Variants in PPFIBP1 observed in about 807,000 individuals in gnomAD.
PPFIBP1 encodes the protein PPFIB scaffold protein 1, also known as liprin-beta-1.
In PPFIBP1, 112 loss-of-function variants were observed where a neutral mutation model predicts 137.8. The observed-to-expected ratio is 0.81, with a 90% CI of 0.70 to 0.95. The LOEUF is 0.95. Among genes scored for constraint, PPFIBP1 ranks in the 40% least tolerant of loss-of-function variants. PPFIBP1 has a pLI of 0.00. For missense variants in PPFIBP1, 1,083 were observed against 1,196.6 expected (o/e 0.91, Z 1.40); for synonymous variants, 378 against 417.3 (o/e 0.91, Z 1.15).
chr12:27,660,221 TAA>T (rs1388851041), intron 10 of PPFIBP1, among the ~76,000 whole-genome samples: 1 of 152,148 alleles, frequency 6.6e-6, no homozygotes. Flanking sequence ...TTAAAATATA[TAA>T]GTTTTTTATT....
chr12:27,671,905 T>C (rs953727495), intron 14 of PPFIBP1, among the ~76,000 whole-genome samples: 4 of 151,872 alleles, frequency 2.6e-5, no homozygotes, highest in African/African-American at 9.7e-5. Flanking sequence ...AATCCCGTCT[T>C]TACTGAAAAT....
chr12:27,601,343 G>A (rs2053963205), intron 2 of PPFIBP1, among the ~76,000 whole-genome samples: 1 of 152,090 alleles, frequency 6.6e-6, no homozygotes, highest in African/African-American at 2.4e-5. Flanking sequence ...TATTTTTAGG[G>A]GCGGGGAGAG....
chr12:27,597,041 G>A (rs1424190069), intron 2 of PPFIBP1, among the ~76,000 whole-genome samples: 2 of 152,196 alleles, frequency 1.3e-5, no homozygotes, highest in African/African-American at 2.4e-5. Context: ...TGGTTTCTTG[G>A]AAGAAAATCC....
intron 5 of PPFIBP1, among the ~76,000 whole-genome samples, chr12:27,646,888 G>T (rs558623548): frequency 2.2e-4 from 34 of 152,356 alleles, no homozygotes; most frequent in African/African-American, 7.7e-4. Context: ...TGAAGGACTA[G>T]CCCAACAGCT....
intron 11 of PPFIBP1, among the ~76,000 whole-genome samples, chr12:27,662,249 C>T (rs908014298): frequency 2.0e-5 from 3 of 152,166 alleles, no homozygotes; most frequent in East Asian, 1.9e-4. Context: ...TTTGAAACAG[C>T]GCAGTGCATG....
At chr12:27,666,107 T>C (rs1565973015) in intron 12 of PPFIBP1, among the ~76,000 whole-genome samples, 1 of 101,076 alleles carries the variant, frequency 9.9e-6, no homozygotes, top group Non-Finnish European at 2.1e-5. Flanking sequence ...ATTTGGAAAA[T>C]AAAGAAAAGA....
At chr12:27,642,549 T>A (rs2058186158) in intron 4 of PPFIBP1, among the ~76,000 whole-genome samples, 1 of 152,134 alleles carries the variant, frequency 6.6e-6, no homozygotes, top group Admixed American at 6.5e-5. Context: ...AAATTATTAG[T>A]CATCTACCTG....
Position 27,680,022 on chromosome 12 carries a change from C to T in PPFIBP1, c.1856C>T (p.Pro619Leu). 4 of 1,614,006 alleles carry T rather than the reference C, an allele frequency of 2.5e-6. No individual in the cohort carries two copies. The highest frequency in any genetic ancestry group is 3.4e-6 in the Non-Finnish European group (4 of 1,179,954). ...KRGGTRATAG[P>L]RLGWSRDLGQ... is the part of the protein sequence containing the mutation. Reference sequence around the variant, plus strand: ...GGAGGGACAAGGGCAACCGCGGGGCCCCGATTAGGTTGGTCTCGAGACTTG... The same window carrying T: ...GGAGGGACAAGGGCAACCGCGGGGCTCCGATTAGGTTGGTCTCGAGACTTG... Residue 619 changes from proline (P) to leucine (L), a missense_variant, in exon 21 of 30, where the codon CCC (proline) becomes CTC (leucine). Pro to Leu is a moderately conservative substitution (Grantham distance 98, BLOSUM62 -3). Transcript: ENST00000228425.
intron 14 of PPFIBP1, among the ~76,000 whole-genome samples, chr12:27,672,093 A>G (rs903696191): frequency 6.6e-6 from 1 of 152,066 alleles, no homozygotes; most frequent in Non-Finnish European, 1.5e-5. Flanking sequence ...AAAAAAGTTT[A>G]GGGAACTTGG....
intron 7 of PPFIBP1, among the ~76,000 whole-genome samples, chr12:27,652,018 C>A (rs187434750): frequency 6.6e-6 from 1 of 152,054 alleles, no homozygotes; most frequent in African/African-American, 2.4e-5. Flanking sequence ...TGCACAGACC[C>A]GGAGATTAGA....
intron 12 of PPFIBP1, among the ~76,000 whole-genome samples, 172 bp from the exon 13 acceptor site, chr12:27,666,994 T>G (rs547029299): frequency 2.5e-5 from 2 of 80,088 alleles, no homozygotes; most frequent in East Asian, 7.5e-4. Context: ...TTTCAAATGC[T>G]GTTTCCTAGG....
intron 2 of PPFIBP1, among the ~76,000 whole-genome samples, chr12:27,590,921 A>T (rs1463869946): frequency 1.3e-5 from 2 of 152,218 alleles, no homozygotes; most frequent in African/African-American, 4.8e-5. Context: ...GGAAGCAGTT[A>T]GAAGTTGGGG....
chr12:27,601,032 C>T (rs1018079072), intron 2 of PPFIBP1, among the ~76,000 whole-genome samples: 4 of 152,120 alleles, frequency 2.6e-5, no homozygotes, highest in Admixed American at 6.5e-5. Flanking sequence ...TATTAACTGT[C>T]ATCACCTTGC....
At chr12:27,555,635 C>T (rs925110780) in intron 1 of PPFIBP1, among the ~76,000 whole-genome samples, 3 of 152,170 alleles carry the variant, frequency 2.0e-5, no homozygotes, top group African/African-American at 7.2e-5. Flanking sequence ...CCCCTTTTCT[C>T]TATGGAGAAA....
intron 1 of PPFIBP1, among the ~76,000 whole-genome samples, chr12:27,566,714 T>A (rs2049710374): frequency 6.6e-6 from 1 of 152,216 alleles, no homozygotes; most frequent in South Asian, 2.1e-4. Context: ...TAAGTGGGAA[T>A]TATGGAATCT....
At chr12:27,589,069 A>G (rs1180466894) in intron 2 of PPFIBP1, among the ~76,000 whole-genome samples, 2 of 152,086 alleles carry the variant, frequency 1.3e-5, no homozygotes, top group African/African-American at 2.4e-5. Flanking sequence ...GAAAAGATCG[A>G]CTCCAGGTAA....
rs2059229372 is a variant in PPFIBP1, at chr12:27,656,828, A to T, written c.811+98A>T. 4 of 822,412 alleles carry T rather than the reference A, an allele frequency of 4.9e-6. No homozygotes were observed. In the South Asian group the frequency reaches 6.4e-5, roughly 13 times the overall value. The allele number at this position is 822,412 out of a possible 1,614,324, so 50.9% of individuals were successfully genotyped here. On this transcript the variant is annotated intron_variant, in intron 9 of 29. Transcript: ENST00000228425. ...AAAATCAATGTGTAGTTTTAGCATC[A>T]AAGAAAGAGCAGCAGAATCCAGCCA...
intron 27 of PPFIBP1, among the ~76,000 whole-genome samples, chr12:27,690,793 G>A (rs948064618): frequency 1.3e-5 from 2 of 151,986 alleles, no homozygotes; most frequent in Admixed American, 6.6e-5. Flanking sequence ...GACCAGCCTC[G>A]TAAATAGGAA....
intron 2 of PPFIBP1, among the ~76,000 whole-genome samples, chr12:27,623,916 G>A (rs545541785): frequency 2.8e-4 from 43 of 152,174 alleles, no homozygotes; most frequent in Non-Finnish European, 5.3e-4. Context: ...TAGAAGATGC[G>A]GAGCAGATAG....
Sources: gnomAD v4.1 joint callset for allele counts (sites outside exome capture counted in the v4.1 genomes callset) on GRCh38, gnomAD v4.1.1 for gene constraint, MANE v1.5 for transcripts, NCBI Gene and HGNC (gene_info 2026-07-23, HGNC 2026-07-21) for gene names.